The following TRAPPC9 variants were observed in gnomAD, a reference collection of about 807,000 sequenced individuals.
TRAPPC9 encodes IKK2 binding protein.
Under a neutral mutation model 124.0 loss-of-function variants are expected in TRAPPC9, and 83 were observed. The observed-to-expected ratio is 0.67, with a 90% confidence interval of 0.56 to 0.80. TRAPPC9 has a LOEUF of 0.80. Among genes scored for constraint, TRAPPC9 ranks in the 30% least tolerant of loss-of-function variants. The probability of loss-of-function intolerance (pLI) is 0.00; values close to 1 mark genes in which losing one functional copy is unlikely to be tolerated. For missense variants in TRAPPC9, 1,302 were observed against 1,508.3 expected (o/e 0.86, Z 2.27); for synonymous variants, 638 against 617.5 (o/e 1.03, Z -0.49).
intron 18 of TRAPPC9, among the ~76,000 whole-genome samples, chr8:139,989,118 C>T (rs1165403454): frequency 6.6e-6 from 1 of 152,176 alleles, no homozygotes; most frequent in Non-Finnish European, 1.5e-5. Context: ...AACCAAGTGG[C>T]CTTGGGAAGG....
chr8:140,322,513 TTAAA>T (rs1431331654), intron 9 of TRAPPC9, among the ~76,000 whole-genome samples: 2 of 152,132 alleles, frequency 1.3e-5, no homozygotes, highest in African/African-American at 4.8e-5. Flanking sequence ...CAAGCACTTT[TTAAA>T]TAGAGATATG....
chr8:140,067,665 G>T (rs1842955172), intron 17 of TRAPPC9, among the ~76,000 whole-genome samples: 1 of 152,172 alleles, frequency 6.6e-6, no homozygotes, highest in South Asian at 2.1e-4. Flanking sequence ...AGAGTGACTT[G>T]ATCAAGGTCA....
intron 5 of TRAPPC9, among the ~76,000 whole-genome samples, chr8:140,417,888 A>G (rs2069997118): frequency 3.9e-5 from 6 of 152,280 alleles, no homozygotes; most frequent in Admixed American, 3.9e-4. Flanking sequence ...GCCATAAAAA[A>G]GGATGACTTC....
At chr8:140,045,654 AAAAAAC>A in intron 17 of TRAPPC9, among the ~76,000 whole-genome samples, 1 of 149,394 alleles carries the variant, frequency 6.7e-6, no homozygotes, top group African/African-American at 2.5e-5. Flanking sequence ...AAAAAAAAAA[AAAAAAC>A]CAAGTCAGGT....
intron 19 of TRAPPC9, among the ~76,000 whole-genome samples, chr8:139,977,543 G>C (rs1198227592): frequency 6.6e-6 from 1 of 151,092 alleles, no homozygotes; most frequent in East Asian, 2.0e-4. Context: ...GTGTGAACCT[G>C]GGAGGCAGAG....
intron 19 of TRAPPC9, among the ~76,000 whole-genome samples, chr8:139,977,014 G>C (rs1038930815): frequency 2.6e-5 from 4 of 152,164 alleles, no homozygotes; most frequent in African/African-American, 9.7e-5. Flanking sequence ...GCAGCTACTG[G>C]GTCTGGATTA....
At chr8:140,127,190 C>T (rs1394191353) in intron 17 of TRAPPC9, among the ~76,000 whole-genome samples, 3 of 152,178 alleles carry the variant, frequency 2.0e-5, no homozygotes, top group Non-Finnish European at 4.4e-5. Flanking sequence ...ATCGTTGTTT[C>T]TCTCAAACAT....
At chr8:139,925,738 A>C (rs1832770961) in intron 19 of TRAPPC9, among the ~76,000 whole-genome samples, 2 of 147,110 alleles carry the variant, frequency 1.4e-5, no homozygotes, top group African/African-American at 2.6e-5. Flanking sequence ...ACAGAATGAG[A>C]CTCCATCTTA....
chr8:139,785,858 T>G (rs1043352214), intron 21 of TRAPPC9, among the ~76,000 whole-genome samples: 2 of 152,134 alleles, frequency 1.3e-5, no homozygotes, highest in African/African-American at 4.8e-5. Flanking sequence ...AATCATCAAT[T>G]TTATGAAGGA....
chr8:140,149,131 T>C (rs960132482), intron 17 of TRAPPC9, among the ~76,000 whole-genome samples: 1 of 152,070 alleles, frequency 6.6e-6, no homozygotes, highest in Non-Finnish European at 1.5e-5. Context: ...AGGACAAGCA[T>C]CCGCGTGCCC....
In TRAPPC9 at chr8:140,360,311, AG is replaced by A. The variant is rs1304839159; in HGVS notation, c.1352-119del. ...CAGATGCCTCAACCACCAAACTCCA[AG>A]AGCAACAAAAAATATTTCCTCTGCT... On this transcript the variant is annotated intron_variant, in intron 8 of 22. Coordinates refer to ENST00000438773, the MANE Select transcript of TRAPPC9 (RefSeq NM_001160372.4). 3 of 1,300,526 alleles carry A rather than the reference AG, an allele frequency of 2.3e-6. No individual in the cohort carries two copies. In the African/African-American group the frequency reaches 4.4e-5, roughly 19 times the overall value. 80.6% of individuals were successfully genotyped at this position (1,300,526 alleles called of 1,614,324 possible). A position where few individuals can be genotyped will look rare whatever the true frequency, so the allele number is the denominator to read the frequency against.
intron 17 of TRAPPC9, among the ~76,000 whole-genome samples, chr8:140,180,637 T>A (rs1437950236): frequency 6.6e-6 from 1 of 152,024 alleles, no homozygotes; most frequent in Non-Finnish European, 1.5e-5. Flanking sequence ...TGTATTTTTT[T>A]ATGGATATTT....
Position 139,892,836 on chromosome 8 carries a change from C to T in TRAPPC9, c.2965-6867G>A, listed in dbSNP as rs549004926. 3.9e-5 allele frequency among the ~76,000 whole-genome samples: 6 copies of T among 152,270 alleles called. 1 individual carries two copies. The highest frequency in any genetic ancestry group is 1.2e-4 in the African/African-American group (5 of 41,546). ...TGTGGGCATCCCTCCACTGTAGAAGCGTGTCAAGCCACAGGCACTCCTCTG... is the reference window on the plus strand; with the variant it reads ...TGTGGGCATCCCTCCACTGTAGAAGTGTGTCAAGCCACAGGCACTCCTCTG... On this transcript the variant is annotated intron_variant, in intron 20 of 22. Coordinates refer to ENST00000438773, the MANE Select transcript of TRAPPC9 (RefSeq NM_001160372.4).
intron 17 of TRAPPC9, among the ~76,000 whole-genome samples, chr8:140,188,940 A>C (rs1406236780): frequency 6.6e-6 from 1 of 152,092 alleles, no homozygotes; most frequent in Non-Finnish European, 1.5e-5. Flanking sequence ...TAACTTCCCA[A>C]ATACCCTCTG....
intron 17 of TRAPPC9, among the ~76,000 whole-genome samples, chr8:140,054,177 G>A (rs1842166409): frequency 6.6e-6 from 1 of 152,178 alleles, no homozygotes; most frequent in Non-Finnish European, 1.5e-5. Flanking sequence ...CCAAAAGTGG[G>A]GAGGTCAAGG....
At chr8:140,349,048 G>T (rs1028850705) in intron 9 of TRAPPC9, among the ~76,000 whole-genome samples, 1 of 150,100 alleles carries the variant, frequency 6.7e-6, no homozygotes, top group Admixed American at 6.6e-5. Flanking sequence ...GCAAGGGAGA[G>T]GAGAGGGACG....
intron 4 of TRAPPC9, among the ~76,000 whole-genome samples, chr8:140,434,360 G>C (rs1348207312): frequency 6.6e-6 from 1 of 152,178 alleles, no homozygotes; most frequent in Non-Finnish European, 1.5e-5. Flanking sequence ...TCGTGGGTCT[G>C]CTCTACCCAA....
intron 5 of TRAPPC9, among the ~76,000 whole-genome samples, chr8:140,416,668 T>C (rs1385769980): frequency 6.6e-6 from 1 of 152,180 alleles, no homozygotes; most frequent in Non-Finnish European, 1.5e-5. Flanking sequence ...GATTCAATGC[T>C]ATCCCCATCA....
At position 140,439,195 on chromosome 8, in the gene TRAPPC9, T is replaced by C. The variant is rs2070924371; in HGVS notation, c.587A>G (p.His196Arg). 6.2e-7 allele frequency: 1 copy of C among 1,614,014 alleles called. No homozygotes were observed. The highest frequency in any genetic ancestry group is 8.5e-7 in the Non-Finnish European group (1 of 1,180,036). Residue 196 changes from histidine to arginine, a missense_variant and splice_region_variant, in exon 3 of 23, where the codon CAT (histidine) becomes CGT (arginine). By Grantham distance (29) the His-to-Arg change is conservative. This residue lies in a region of TRAPPC9 where 657 missense variants were observed against 811.2 expected (regional missense o/e 0.81). Transcript: ENST00000438773. ...GCGGCCTTGGCACCGCTTCTTGTAA[T>C]GTCTAGAAAATACATGAAAATGTAT... The part of the protein sequence containing the change: ...DFVGLDTDSR[H>R]YKKRCQGRMR...
Sources: gnomAD v4.1 joint callset for allele counts (sites outside exome capture counted in the v4.1 genomes callset) on GRCh38, gnomAD v4.1.1 for gene constraint, gnomAD v4.1.1 regional missense constraint, MANE v1.5 for transcripts, NCBI Gene and HGNC (gene_info 2026-07-23, HGNC 2026-07-21) for gene names.